The following ADGRL2 variants were observed in gnomAD, a reference collection of about 807,000 sequenced individuals.
ADGRL2 encodes the protein adhesion G protein-coupled receptor L2.
In ADGRL2, 44 loss-of-function variants were observed where a neutral mutation model predicts 157.4. The ratio of observed to expected loss-of-function variants is 0.28; its 90% CI spans 0.22 to 0.36. The LOEUF is 0.36. Among genes scored for constraint, ADGRL2 ranks in the 10% least tolerant of loss-of-function variants. ADGRL2 has a pLI of 1.00. For synonymous variants in ADGRL2, 585 were observed against 624.7 expected (o/e 0.94, Z 0.95); for missense variants, 1,510 against 1,768.9 (o/e 0.85, Z 2.63).
chr1:81,873,551 TATATAGCATCAACCCAGCTAAG>T (rs1327718455), intron 2 of ADGRL2, among the ~76,000 whole-genome samples: 2 of 152,068 alleles, frequency 1.3e-5, no homozygotes, highest in Admixed American at 1.3e-4. Flanking sequence ...CTTTACAAGG[TATATAGCATCAACCCAGCTAAG>T]GTAATCAGAA....
chr1:81,986,004 TA>T (rs1663044101), intron 21 of ADGRL2, among the ~76,000 whole-genome samples: 2 of 152,036 alleles, frequency 1.3e-5, no homozygotes, highest in Non-Finnish European at 2.9e-5. Flanking sequence ...TACAATGAAA[TA>T]TAATGACATT....
intron 2 of ADGRL2, among the ~76,000 whole-genome samples, chr1:81,504,177 AC>A (rs2078917443): frequency 6.6e-6 from 1 of 152,122 alleles, no homozygotes; most frequent in African/African-American, 2.4e-5. Context: ...CCTGCTTCAC[AC>A]GGACCATTCT....
At chr1:81,716,313 C>G (rs766137509) in intron 1 of ADGRL2, among the ~76,000 whole-genome samples, 1 of 152,050 alleles carries the variant, frequency 6.6e-6, no homozygotes, top group Non-Finnish European at 1.5e-5. Context: ...TTAGATTACT[C>G]GAGCTCTATT....
intron 2 of ADGRL2, among the ~76,000 whole-genome samples, chr1:81,773,025 G>A (rs563781719): frequency 6.6e-6 from 1 of 152,204 alleles, no homozygotes; most frequent in Middle Eastern, 3.4e-3. Flanking sequence ...AAGGAGTTGT[G>A]TTCTCACTTG....
intron 1 of ADGRL2, among the ~76,000 whole-genome samples, chr1:81,828,199 A>G (rs2091659894): frequency 6.6e-6 from 1 of 152,198 alleles, no homozygotes; most frequent in African/African-American, 2.4e-5. Context: ...TGGCAGACAT[A>G]CATAGTTATG....
intron 10 of ADGRL2, 42 bp from the exon 11 acceptor site, chr1:81,955,835 T>C (rs112780451): frequency 1.5e-6 from 2 of 1,376,032 alleles, no homozygotes; most frequent in Admixed American, 4.8e-5. Flanking sequence ...ACTTTGGTTC[T>C]AAAAGCGGTC....
At chr1:81,983,522 C>G (rs752161352) in intron 19 of ADGRL2, among the ~76,000 whole-genome samples, 1 of 152,052 alleles carries the variant, frequency 6.6e-6, no homozygotes, top group Non-Finnish European at 1.5e-5. Flanking sequence ...GAATAAGTGT[C>G]AAAGTCATGG....
intron 1 of ADGRL2, among the ~76,000 whole-genome samples, chr1:81,428,996 C>T (rs959933657): frequency 1.3e-5 from 2 of 152,066 alleles, no homozygotes; most frequent in Non-Finnish European, 2.9e-5. Context: ...TTCTGAGCCC[C>T]GATGCCTAGA....
At chr1:81,322,072 T>C (rs1025798277) in intron 1 of ADGRL2, among the ~76,000 whole-genome samples, 2 of 114,362 alleles carry the variant, frequency 1.7e-5, no homozygotes, top group Non-Finnish European at 3.8e-5. Flanking sequence ...CTTCCTTAAA[T>C]GTACAGGACT....
chr1:81,740,696 T>C (rs975377181), intron 1 of ADGRL2, among the ~76,000 whole-genome samples: 6 of 152,200 alleles, frequency 3.9e-5, no homozygotes, highest in Admixed American at 1.3e-4. Flanking sequence ...CCAGCCAACA[T>C]TTAGTATATG....
At chr1:81,847,633 C>T (rs1002931945) in intron 2 of ADGRL2, among the ~76,000 whole-genome samples, 3 of 151,698 alleles carry the variant, frequency 2.0e-5, no homozygotes, top group African/African-American at 7.3e-5. Context: ...CTTCTATTGA[C>T]CTTTTATGTG....
rs371774445 is a variant in ADGRL2, at chr1:81,615,172, A to T, written c.-143+34192A>T. 2.2e-4 allele frequency among the ~76,000 whole-genome samples: 33 copies of T among 152,266 alleles called. No individual in the cohort carries two copies. In the East Asian group the frequency reaches 2.9e-3, roughly 13 times the overall value. ...GAGAACTTTTGTGTCTAGCTAAAGG[A>T]TTGTAAATGCACCAATCAGTACTCT... is the stretch of plus-strand genomic sequence containing the variant. On this transcript the variant is annotated intron_variant, in intron 3 of 24. Transcript: ENST00000370721.
intron 1 of ADGRL2, among the ~76,000 whole-genome samples, chr1:81,395,735 G>T (rs756444655): frequency 6.6e-6 from 1 of 152,098 alleles, no homozygotes; most frequent in Admixed American, 6.5e-5. Context: ...TGAAGGATGG[G>T]GGTCTAGTTT....
chr1:81,413,726 T>C (rs12046867), intron 1 of ADGRL2, among the ~76,000 whole-genome samples: 11,715 of 152,282 alleles, frequency 0.077, 942 homozygotes, highest in East Asian at 0.39. Context: ...GTTTATTAGA[T>C]TTCCTTTTAC....
At chr1:81,437,898 T>C (rs1473448878) in intron 1 of ADGRL2, among the ~76,000 whole-genome samples, 4 of 152,162 alleles carry the variant, frequency 2.6e-5, no homozygotes, top group African/African-American at 7.2e-5. Flanking sequence ...AATCAGAAAC[T>C]TGCAGTCGTG....
chr1:81,967,344 C>T (rs1291304806), intron 13 of ADGRL2, among the ~76,000 whole-genome samples: 1 of 151,596 alleles, frequency 6.6e-6, no homozygotes, highest in African/African-American at 2.4e-5. Context: ...TCACTGCCAG[C>T]TCCACCTCCC....
At chr1:81,872,639 A>G (rs924713153) in intron 2 of ADGRL2, among the ~76,000 whole-genome samples, 1 of 152,064 alleles carries the variant, frequency 6.6e-6, no homozygotes, top group Non-Finnish European at 1.5e-5. Context: ...TAATACTCAC[A>G]TGTCAGACTA....
At chr1:81,388,474 T>A (rs1460775797) in intron 1 of ADGRL2, among the ~76,000 whole-genome samples, 1 of 152,158 alleles carries the variant, frequency 6.6e-6, no homozygotes, top group Non-Finnish European at 1.5e-5. Context: ...TGCTCTTCAA[T>A]GTGCCAGATT....
intron 2 of ADGRL2, among the ~76,000 whole-genome samples, chr1:81,505,706 T>C (rs1186946089): frequency 1.6e-5 from 2 of 122,336 alleles, no homozygotes; most frequent in Non-Finnish European, 3.2e-5. Flanking sequence ...ATGGGTAGCC[T>C]AGGCAGTGAA....
Sources: gnomAD v4.1 joint callset for allele counts (sites outside exome capture counted in the v4.1 genomes callset) on GRCh38, gnomAD v4.1.1 for gene constraint, MANE v1.5 for transcripts, NCBI Gene and HGNC (gene_info 2026-07-23, HGNC 2026-07-21) for gene names.